VSTM4: variants seen among roughly 807,000 people sequenced by gnomAD.
VSTM4 encodes V-set and transmembrane domain containing 4.
In VSTM4, 20 loss-of-function variants were observed where a neutral mutation model predicts 36.4. The observed-to-expected ratio is 0.55, with a 90% CI of 0.39 to 0.80. The LOEUF (loss-of-function observed/expected upper bound fraction) is 0.80. Ranked by LOEUF, VSTM4 falls within the 30% of genes least tolerant of loss-of-function variation. VSTM4 has a pLI of 0.00. For synonymous variants in VSTM4, 182 were observed against 173.9 expected, an observed-to-expected ratio of 1.05 and a Z score of -0.37; for missense variants, 392 against 404.5, an observed-to-expected ratio of 0.97 and a Z score of 0.26.
intron 7 of VSTM4, among the ~76,000 whole-genome samples, chr10:49,036,144 C>A (rs1194392865): frequency 1.3e-5 from 2 of 152,158 alleles, no homozygotes. Context: ...CGCCGAGATA[C>A]CTGCTCTCTC....
At chr10:49,064,396 G>A (rs966932468) in intron 5 of VSTM4, 20 of 374,622 alleles carry the variant, frequency 5.3e-5, no homozygotes, top group African/African-American at 4.0e-4. Context: ...TATCAAAGTG[G>A]TTCAGAGCAA....
intron 3 of VSTM4, among the ~76,000 whole-genome samples, chr10:49,078,564 G>A (rs187513865): frequency 2.8e-4 from 43 of 151,492 alleles, no homozygotes; most frequent in African/African-American, 9.0e-4. Context: ...TTCTTGATAT[G>A]ACATTCTTCA....
chr10:49,073,286 C>A (rs1844115479), intron 4 of VSTM4, among the ~76,000 whole-genome samples: 1 of 152,202 alleles, frequency 6.6e-6, no homozygotes, highest in South Asian at 2.1e-4. Flanking sequence ...AAACCCCTTG[C>A]AGTGGTGCCA....
At position 49,115,443 on chromosome 10, in the gene VSTM4, C is replaced by A; in HGVS notation, c.43G>T (p.Ala15Ser). ...ALAAAALLAR[A>S]PAPEVCAALN... ...CCGCCGCGCTTACCCGGAGCCGGAG[C>A]CCGCGCCAGCAGCGCGGCCGCCGCC... The change falls in exon 1 of 8, where the codon GCT becomes TCT. Residue 15 changes from alanine to serine, a missense_variant. Ala to Ser is a moderately conservative substitution (Grantham distance 99, BLOSUM62 1). Transcript: ENST00000332853. The A allele has an allele frequency of 9.6e-7, 1 of 1,045,526 alleles. No individual in the cohort carries two copies. The highest frequency in any genetic ancestry group is 1.2e-6 in the Non-Finnish European group (1 of 863,608). The allele number at this position is 1,045,526 out of a possible 1,614,324, so 64.8% of individuals were successfully genotyped here. A position where few individuals can be genotyped will look rare whatever the true frequency, so the allele number is the denominator to read the frequency against.
At chr10:49,057,216 G>C (rs557839442) in intron 5 of VSTM4, among the ~76,000 whole-genome samples, 1 of 152,184 alleles carries the variant, frequency 6.6e-6, no homozygotes, top group African/African-American at 2.4e-5. Flanking sequence ...AAACATCCAA[G>C]CCATAACCTG....
chr10:49,114,945 A>G (rs1226955252), intron 1 of VSTM4, among the ~76,000 whole-genome samples: 1 of 152,084 alleles, frequency 6.6e-6, no homozygotes, highest in Non-Finnish European at 1.5e-5. Flanking sequence ...AAGGCCCACG[A>G]TCAAGTCCCC....
At chr10:49,077,596 G>A (rs938200164) in intron 3 of VSTM4, among the ~76,000 whole-genome samples, 11 of 152,194 alleles carry the variant, frequency 7.2e-5, no homozygotes, top group Non-Finnish European at 1.6e-4. Context: ...ATGGTGCTGG[G>A]TCAATGGGAC....
At chr10:49,088,215 C>A (rs1844408159) in intron 2 of VSTM4, among the ~76,000 whole-genome samples, 2 of 152,104 alleles carry the variant, frequency 1.3e-5, no homozygotes, top group Non-Finnish European at 2.9e-5. Context: ...AAAGTAGTGG[C>A]TATATCTTCT....
chr10:49,069,970 C>T lies in VSTM4; in HGVS notation c.635-5234G>A, dbSNP rs566075385. ...CACCTTAGCATAAAAAAAGAAATAT[C>T]GGCCGGGCGCGGTGGCTCACGCCTG... On this transcript the variant is annotated intron_variant, in intron 4 of 7. Coordinates refer to ENST00000332853, the MANE Select transcript of VSTM4 (RefSeq NM_001031746.5). Among the ~76,000 whole-genome samples the T allele has an allele frequency of 3.8e-5, 5 of 131,038 alleles. 1 individual carries two copies. The highest frequency in any genetic ancestry group is 4.2e-4 in the East Asian group (2 of 4,756). The allele number at this position is 131,038 out of a possible 152,430, so 86.0% of individuals were successfully genotyped here.
At chr10:49,099,746 A>G (rs1256413654) in intron 2 of VSTM4, among the ~76,000 whole-genome samples, 2 of 152,234 alleles carry the variant, frequency 1.3e-5, no homozygotes, top group Non-Finnish European at 2.9e-5. Flanking sequence ...CAACAAGTTC[A>G]TCTGGCATGA....
intron 5 of VSTM4, 85 bp downstream of exon 5, chr10:49,064,618 C>T: frequency 6.8e-7 from 1 of 1,475,650 alleles, no homozygotes. Context: ...GGTAAAACTA[C>T]AAATTTAATC....
At chr10:49,043,593 T>TTCCC (rs1564571076) in intron 7 of VSTM4, among the ~76,000 whole-genome samples, 6 of 152,048 alleles carry the variant, frequency 3.9e-5, no homozygotes, top group Non-Finnish European at 8.8e-5. Flanking sequence ...GTAAAGGTAA[T>TTCCC]GAAGGGAAAG....
chr10:49,110,122 C>A (rs927816246), intron 1 of VSTM4, among the ~76,000 whole-genome samples: 1 of 152,190 alleles, frequency 6.6e-6, no homozygotes, highest in Non-Finnish European at 1.5e-5. Context: ...CCCCACCCCG[C>A]CCTCAAGAGC....
rs982843477 is a variant in VSTM4 at position 49,016,998 on chromosome 10, T to G, written c.*2652A>C. The G allele has an allele frequency of 1.3e-5, 2 of 152,294 alleles. No homozygotes were observed. Among genetic ancestry groups the G allele is most frequent in the Non-Finnish European group, 2.9e-5 (2 of 68,044 alleles). The allele number at this position is 152,294 out of a possible 1,614,324, so 9.4% of individuals were successfully genotyped here. ...CAATGGGTTCATACTTCTTTTAGCTTCATTTAAACATTTAAGCAATGGTCT... is the reference window on the plus strand; with the variant it reads ...CAATGGGTTCATACTTCTTTTAGCTGCATTTAAACATTTAAGCAATGGTCT... On this transcript the variant is annotated 3_prime_UTR_variant, in exon 8 of 8. Transcript: ENST00000332853.
At chr10:49,087,203 C>A (rs957660329) in intron 2 of VSTM4, among the ~76,000 whole-genome samples, 8 of 152,036 alleles carry the variant, frequency 5.3e-5, no homozygotes, top group Non-Finnish European at 1.2e-4. Flanking sequence ...TGCATTTATT[C>A]TTTTTATTCA....
At chr10:49,047,930 T>C (rs1465733163) in intron 6 of VSTM4, among the ~76,000 whole-genome samples, 2 of 152,242 alleles carry the variant, frequency 1.3e-5, no homozygotes, top group Non-Finnish European at 2.9e-5. Flanking sequence ...TAGTCAGTCT[T>C]GGTTCTCCTA....
chr10:49,035,197 A>G (rs1209373920), intron 7 of VSTM4, among the ~76,000 whole-genome samples: 1 of 152,150 alleles, frequency 6.6e-6, no homozygotes, highest in Non-Finnish European at 1.5e-5. Flanking sequence ...CCAGCCCAGC[A>G]CATCTCCCTG....
chr10:49,034,256 T>A (rs1843393883), intron 7 of VSTM4, among the ~76,000 whole-genome samples: 1 of 151,740 alleles, frequency 6.6e-6, no homozygotes, highest in Non-Finnish European at 1.5e-5. Context: ...ATCACCATCA[T>A]CAGTACCATC....
At chr10:49,105,329 C>CAGAG (rs60466424) in intron 2 of VSTM4, among the ~76,000 whole-genome samples, 13 of 122,768 alleles carry the variant, frequency 1.1e-4, no homozygotes, top group South Asian at 2.9e-4. Context: ...GAGAGAGAGA[C>CAGAG]GGGGGGGGGA....
Sources: allele counts gnomAD v4.1 joint callset (sites outside exome capture counted in the v4.1 genomes callset), GRCh38; gene constraint gnomAD v4.1.1; transcripts MANE v1.5; gene names NCBI Gene and HGNC (gene_info 2026-07-23, HGNC 2026-07-21).